Variants in GRAMD1C observed in about 807,000 individuals in gnomAD.
The protein encoded by GRAMD1C is GRAM domain containing 1C.
A neutral mutation model predicts 97.8 loss-of-function variants in GRAMD1C; 89 were observed. That is an observed-to-expected ratio of 0.91 (90% confidence interval 0.77 to 1.09). The LOEUF (loss-of-function observed/expected upper bound fraction) is 1.09. Among genes scored for constraint, GRAMD1C ranks in the 50% least tolerant of loss-of-function variants. The probability of loss-of-function intolerance (pLI) is 0.00; values close to 1 mark genes in which losing one functional copy is unlikely to be tolerated. For synonymous variants in GRAMD1C, 256 were observed against 267.0 expected (o/e 0.96, Z 0.40); for missense variants, 740 against 766.4 (o/e 0.97, Z 0.41).
chr3:113,864,639 C>T (rs1182043407), intron 2 of GRAMD1C, among the ~76,000 whole-genome samples: 1 of 152,128 alleles, frequency 6.6e-6, no homozygotes, highest in African/African-American at 2.4e-5. Context: ...GCTCCAGTTC[C>T]CAATAAGATA....
intron 6 of GRAMD1C, among the ~76,000 whole-genome samples, chr3:113,887,404 C>G (rs1935547958): frequency 6.7e-6 from 1 of 149,816 alleles, no homozygotes; most frequent in African/African-American, 2.4e-5. Context: ...AAAGTTGCTT[C>G]TTTATAAAAA....
intron 2 of GRAMD1C, among the ~76,000 whole-genome samples, chr3:113,862,459 C>T (rs1934417769): frequency 6.6e-6 from 1 of 152,200 alleles, no homozygotes; most frequent in Non-Finnish European, 1.5e-5. Flanking sequence ...GGCTCACTGA[C>T]AGTCAGAGTT....
intron 10 of GRAMD1C, among the ~76,000 whole-genome samples, chr3:113,929,336 G>A (rs1002695265): frequency 3.3e-5 from 5 of 152,114 alleles, no homozygotes; most frequent in Non-Finnish European, 7.4e-5. Flanking sequence ...AGGTATTGGA[G>A]GATTGACTGT....
At chr3:113,909,233 T>C in intron 9 of GRAMD1C, 113 bp downstream of exon 9, 1 of 453,926 alleles carries the variant, frequency 2.2e-6, no homozygotes. Flanking sequence ...AGTCTCACCC[T>C]ATAAAGAAAC....
intron 3 of GRAMD1C, among the ~76,000 whole-genome samples, chr3:113,870,706 C>T (rs1934768043): frequency 6.6e-6 from 1 of 151,922 alleles, no homozygotes; most frequent in Non-Finnish European, 1.5e-5. Context: ...TAAACACAAC[C>T]ATTCAGTATC....
chr3:113,848,747 G>T (rs1933724025), intron 2 of GRAMD1C, among the ~76,000 whole-genome samples: 1 of 152,104 alleles, frequency 6.6e-6, no homozygotes, highest in African/African-American at 2.4e-5. Flanking sequence ...TTGAGGTTAT[G>T]GTGCGCTGTG....
At chr3:113,895,631 A>G (rs1935907193) in intron 6 of GRAMD1C, among the ~76,000 whole-genome samples, 1 of 152,190 alleles carries the variant, frequency 6.6e-6, no homozygotes, top group African/African-American at 2.4e-5. Context: ...GAAATTGGTA[A>G]CTATTTGTCA....
chr3:113,841,613 G>A (rs1422386405), intron 1 of GRAMD1C, among the ~76,000 whole-genome samples: 1 of 151,964 alleles, frequency 6.6e-6, no homozygotes, highest in East Asian at 1.9e-4. Context: ...TACATAACAA[G>A]TTTTAGTCCT....
chr3:113,886,695 A>G (rs1012688452), intron 6 of GRAMD1C, among the ~76,000 whole-genome samples: 3 of 152,264 alleles, frequency 2.0e-5, no homozygotes, highest in East Asian at 3.9e-4. Flanking sequence ...AATAATAAAG[A>G]TTATAACAGA....
chr3:113,831,433 TA>T (rs56110154), intron 1 of GRAMD1C, among the ~76,000 whole-genome samples: 148,125 of 152,208 alleles, frequency 0.97, 72,215 homozygotes, highest in East Asian at 1. Context: ...TACTTTTTTT[TA>T]ATGTGACAAA....
chr3:113,907,520 T>C (rs1280577254), intron 8 of GRAMD1C, among the ~76,000 whole-genome samples: 2 of 152,196 alleles, frequency 1.3e-5, no homozygotes, highest in African/African-American at 4.8e-5. Flanking sequence ...CCTTTTTTTT[T>C]CTGTTTGCAT....
intron 10 of GRAMD1C, among the ~76,000 whole-genome samples, chr3:113,916,260 C>G: frequency 6.6e-6 from 1 of 152,120 alleles, no homozygotes; most frequent in Non-Finnish European, 1.5e-5. Flanking sequence ...GGTATACATT[C>G]ATCAGAAATG....
chr3:113,885,961 A>G (rs1488691891), intron 6 of GRAMD1C: 18 of 1,601,844 alleles, frequency 1.1e-5, no homozygotes, highest in African/African-American at 2.7e-5. Flanking sequence ...CCGATGCTGG[A>G]TGCCCTCAGG....
At chr3:113,902,571 T>A (rs1278405690) in intron 7 of GRAMD1C, among the ~76,000 whole-genome samples, 1 of 152,232 alleles carries the variant, frequency 6.6e-6, no homozygotes, top group African/African-American at 2.4e-5. Context: ...CCTTGCCAAC[T>A]TGAAAAGTTT....
chr3:113,939,632 C>G lies in GRAMD1C; in HGVS notation c.1692-254C>G, dbSNP rs146094599. The G allele has an allele frequency of 2.1e-4, 69 of 327,078 alleles. 1 individual carries two copies. In the East Asian group the frequency reaches 4.9e-3, roughly 23 times the overall value. The allele number at this position is 327,078 out of a possible 1,614,324, so 20.3% of individuals were successfully genotyped here. On this transcript the variant is annotated intron_variant, in intron 15 of 17. Coordinates refer to ENST00000358160, the MANE Select transcript of GRAMD1C (RefSeq NM_017577.5). ...GAGGGGAGAGATGTCACAGATACCC[C>G]AAACCTGTGAGTTCGGATTATTCAA...
At chr3:113,887,886 C>T (rs946964844) in intron 6 of GRAMD1C, among the ~76,000 whole-genome samples, 4 of 151,640 alleles carry the variant, frequency 2.6e-5, no homozygotes, top group African/African-American at 9.7e-5. Context: ...AAATTATTTA[C>T]CCTAAATGAA....
At position 113,891,517 on chromosome 3, in the gene GRAMD1C, T is replaced by C. The variant is rs143992509; in HGVS notation, c.540+8685T>C. Among the ~76,000 whole-genome samples the C allele has an allele frequency of 4.3e-3, 652 of 152,214 alleles. 6 individuals carry two copies. The highest frequency in any genetic ancestry group is 0.015 in the African/African-American group (618 of 41,544). On this transcript the variant is annotated intron_variant, in intron 6 of 17. Transcript: ENST00000358160. The stretch of plus-strand genomic sequence containing the variant: ...AAAGATAAAAAACCCTCATAAAATA[T>C]ACAGCATAGCTACAAAATTCTATTA...
Position 113,911,714 on chromosome 3 carries a change from T to TCTTTC in GRAMD1C, c.952+2595_952+2596insTTTCC, listed in dbSNP as rs1281946914. Among the ~76,000 whole-genome samples the TCTTTC allele has an allele frequency of 5.0e-3, 709 of 141,294 alleles. 9 individuals carry two copies. The highest frequency in any genetic ancestry group is 0.018 in the African/African-American group (673 of 37,048). 92.7% of individuals were successfully genotyped at this position (141,294 alleles called of 152,430 possible). ...CTGTTTCTTTCCTTCCTTCCTTCCT[T>TCTTTC]CCTTCCTTCCTTCCTTTTCTTTCTT... On this transcript the variant is annotated intron_variant, in intron 9 of 17. Coordinates refer to ENST00000358160, the MANE Select transcript of GRAMD1C (RefSeq NM_017577.5).
chr3:113,875,956 T>C, intron 4 of GRAMD1C: 1 of 462,524 alleles, frequency 2.2e-6, no homozygotes, highest in Non-Finnish European at 3.8e-6. Flanking sequence ...GATAGAGGAG[T>C]TGTTGGGGGA....
Sources: allele counts gnomAD v4.1 joint callset (sites outside exome capture counted in the v4.1 genomes callset), GRCh38; gene constraint gnomAD v4.1.1; transcripts MANE v1.5; gene names NCBI Gene and HGNC (gene_info 2026-07-23, HGNC 2026-07-21).